Variants in SYNE1 observed in about 807,000 individuals in gnomAD.
SYNE1 encodes nesprin-1.
In SYNE1, 616 loss-of-function variants were observed where a neutral mutation model predicts 1,111.0. The ratio of observed to expected loss-of-function variants is 0.55; its 90% CI spans 0.52 to 0.59. The LOEUF (loss-of-function observed/expected upper bound fraction) is 0.59. Among genes scored for constraint, SYNE1 ranks in the 20% least tolerant of loss-of-function variants. SYNE1 has a pLI of 0.00. For synonymous variants in SYNE1, 3,855 were observed against 3,825.8 expected, an observed-to-expected ratio of 1.01 and a Z score of -0.28; for missense variants, 10,006 against 10,417.0, an observed-to-expected ratio of 0.96 and a Z score of 1.72.
intron 74 of SYNE1, among the ~76,000 whole-genome samples, chr6:152,342,959 C>T (rs773779563): frequency 2.6e-5 from 4 of 151,936 alleles, no homozygotes; most frequent in South Asian, 2.1e-4. Context: ...TTATAAATCA[C>T]GTTTATCTGT....
At chr6:152,313,704 T>TCTTGG (rs1394166847) in intron 87 of SYNE1, among the ~76,000 whole-genome samples, 1 of 152,136 alleles carries the variant, frequency 6.6e-6, no homozygotes, top group Non-Finnish European at 1.5e-5. Context: ...CCTCAAGTGA[T>TCTTGG]CCACCCCTCT....
chr6:152,183,140 C>A (rs946640902), intron 128 of SYNE1, among the ~76,000 whole-genome samples: 1 of 152,146 alleles, frequency 6.6e-6, no homozygotes, highest in African/African-American at 2.4e-5. Flanking sequence ...CTCTGAGAGC[C>A]GCGTGCACTC....
intron 3 of SYNE1, among the ~76,000 whole-genome samples, chr6:152,557,454 T>C (rs1444272667): frequency 6.6e-6 from 1 of 152,124 alleles, no homozygotes; most frequent in Non-Finnish European, 1.5e-5. Context: ...TAAACATTAA[T>C]ATCCATGAAT....
chr6:152,170,641 G>A (rs147631703), intron 130 of SYNE1, among the ~76,000 whole-genome samples: 1 of 152,278 alleles, frequency 6.6e-6, no homozygotes, highest in East Asian at 1.9e-4. Flanking sequence ...CTCCAACGTG[G>A]GTAGAACACC....
At position 152,344,091 on chromosome 6, in the gene SYNE1, G is replaced by A. The variant is rs759194073; in HGVS notation, c.12215C>T (p.Ala4072Val). The change falls in exon 74 of 146, where the codon GCC (alanine) becomes GTC (valine). Residue 4072 changes from alanine to valine, a missense_variant. Transcript: ENST00000367255. ...SPQPPLSRAE[A>V]IKQVKHFRAL... The stretch of plus-strand genomic sequence containing the variant: ...TCAGGAGTTTACTACCTGCTTAATG[G>A]CTTCTGCCCTACTAAGAGGTGGTTG... 2 of 1,614,174 alleles carry A rather than the reference G, an allele frequency of 1.2e-6. No homozygotes were observed. Among genetic ancestry groups the A allele is most frequent in the Admixed American group, 3.3e-5 (2 of 60,016 alleles).
Position 152,352,288 on chromosome 6 carries a change from C to G in SYNE1, c.11319G>C (p.Arg3773Ser), listed in dbSNP as rs201507067. The G allele has an allele frequency of 3.7e-6, 6 of 1,614,146 alleles. No individual in the cohort carries two copies. The East Asian group carries it at 1.3e-4, about 36-fold the overall frequency. Residue 3773 changes from arginine (R) to serine (S), a missense_variant, in exon 70 of 146, where the codon AGG becomes AGC. This residue lies in a region of SYNE1 where 4,955 missense variants were observed against 5,017.2 expected (regional missense o/e 0.99). Coordinates refer to ENST00000367255, the MANE Select transcript of SYNE1 (RefSeq NM_182961.4). ...LLKSAREKGE[R>S]AVKYLEEGEA... ...CGCCTTCCTCCAAGTATTTAACAGC[C>G]CTCTCTCCTTTCTCCCGGGCTGATT...
At chr6:152,194,395 T>C (rs984453979) in intron 127 of SYNE1, among the ~76,000 whole-genome samples, 1 of 152,174 alleles carries the variant, frequency 6.6e-6, no homozygotes, top group African/African-American at 2.4e-5. Context: ...CTCCATTTTA[T>C]GTTATTTCTT....
intron 78 of SYNE1, among the ~76,000 whole-genome samples, chr6:152,327,122 G>A (rs2153957461): frequency 1.3e-5 from 2 of 152,160 alleles, no homozygotes; most frequent in Middle Eastern, 6.8e-3. Context: ...GTGAAACCGT[G>A]TCTCTACTAA....
intron 100 of SYNE1, among the ~76,000 whole-genome samples, chr6:152,267,041 C>T (rs377627450): frequency 5.3e-5 from 8 of 152,138 alleles, no homozygotes; most frequent in South Asian, 2.1e-4. Flanking sequence ...TTTTTTGATA[C>T]GGTTACATCA....
intron 122 of SYNE1, among the ~76,000 whole-genome samples, 175 bp downstream of exon 122, chr6:152,214,731 C>T (rs765199542): frequency 6.6e-6 from 1 of 152,208 alleles, no homozygotes; most frequent in Admixed American, 6.5e-5. Flanking sequence ...GAGCAGCCCT[C>T]ACCAGACAAC....
At chr6:152,219,506 A>AG (rs1262328816) in intron 119 of SYNE1, among the ~76,000 whole-genome samples, 2 of 151,704 alleles carry the variant, frequency 1.3e-5, no homozygotes, top group African/African-American at 4.8e-5. Flanking sequence ...AAAAAAAAAA[A>AG]ACAAACATGA....
chr6:152,476,877 A>AAG (rs2098838084), intron 14 of SYNE1, among the ~76,000 whole-genome samples: 1 of 151,450 alleles, frequency 6.6e-6, no homozygotes, highest in African/African-American at 2.4e-5. Flanking sequence ...TAAAAAAAAA[A>AAG]AAAAGAAAAG....
At chr6:152,263,007 C>T (rs1043587553) in intron 100 of SYNE1, among the ~76,000 whole-genome samples, 1 of 145,652 alleles carries the variant, frequency 6.9e-6, no homozygotes, top group Non-Finnish European at 1.5e-5. Flanking sequence ...GAAGGTAGTA[C>T]AGGACACGGA....
rs549034633 is a variant in SYNE1, at chr6:152,581,876, C to T, written c.68-41855G>A. On this transcript the variant is annotated intron_variant, in intron 3 of 145. Transcript: ENST00000367255. ...CTTCCCCACTCTAGTCTCTGCTATC[C>T]GATTCACTCTTCTTGTGAACACTAG... 2.2e-3 allele frequency among the ~76,000 whole-genome samples: 328 copies of T among 152,258 alleles called. 2 individuals are homozygous for T. Among genetic ancestry groups the T allele is most frequent in the Non-Finnish European group, 1.3e-3 (87 of 68,020 alleles).
rs773476679 is a variant in SYNE1 at position 152,463,421 on chromosome 6, G to A, written c.2029C>T (p.Arg677Cys). Reference sequence around the variant, plus strand: ...AACAGTAATTGCTGCTTCAGGTCACGGGAAACCATCTCATCACAGGTTTCA... The same window carrying A: ...AACAGTAATTGCTGCTTCAGGTCACAGGAAACCATCTCATCACAGGTTTCA... ...LIETCDEMVS[R>C]DLKQQLLLLN... The change falls in exon 19 of 146, where the codon CGT becomes TGT. Residue 677 changes from arginine (R) to cysteine (C), a missense_variant. Arg to Cys is a radical substitution (Grantham distance 180). Around this residue, in one of 7 missense-constraint regions of SYNE1, gnomAD observed 1,971 missense variants for 2,084.1 expected, o/e 0.95. Coordinates refer to ENST00000367255, the MANE Select transcript of SYNE1 (RefSeq NM_182961.4). 5.0e-6 allele frequency: 8 copies of A among 1,613,596 alleles called. No individual in the cohort carries two copies. The highest frequency in any genetic ancestry group is 2.2e-5 in the South Asian group (2 of 91,074).
chr6:152,552,424 A>T (rs932543531), intron 3 of SYNE1, among the ~76,000 whole-genome samples: 3 of 149,700 alleles, frequency 2.0e-5, no homozygotes, highest in African/African-American at 7.4e-5. Context: ...TCCCTCTCTC[A>T]TATAAATACT....
intron 75 of SYNE1, among the ~76,000 whole-genome samples, chr6:152,338,499 A>C (rs540381233): frequency 2.0e-5 from 3 of 151,898 alleles, no homozygotes; most frequent in Admixed American, 2.0e-4. Context: ...GTGTGTGCCT[A>C]TAGTCCCAGC....
At chr6:152,289,335 TAGTA>T (rs1193184026) in intron 95 of SYNE1, among the ~76,000 whole-genome samples, 1 of 152,226 alleles carries the variant, frequency 6.6e-6, no homozygotes, top group Non-Finnish European at 1.5e-5. Context: ...AACTCTTTAA[TAGTA>T]AGGGTGAAAA....
chr6:152,365,197 T>C (rs2097048429), intron 62 of SYNE1, among the ~76,000 whole-genome samples, 178 bp from the exon 63 acceptor site: 1 of 152,204 alleles, frequency 6.6e-6, no homozygotes, highest in East Asian at 1.9e-4. Flanking sequence ...AGTCACCAGC[T>C]ACCCGCTGGT....
Sources: gnomAD v4.1 joint callset for allele counts (sites outside exome capture counted in the v4.1 genomes callset) on GRCh38, gnomAD v4.1.1 for gene constraint, gnomAD v4.1.1 regional missense constraint, MANE v1.5 for transcripts, NCBI Gene and HGNC (gene_info 2026-07-23, HGNC 2026-07-21) for gene names.